NUP160: variants seen among roughly 807,000 people sequenced by gnomAD.
The protein encoded by NUP160 is nuclear pore complex protein Nup160.
NUP160 carries 94 observed loss-of-function variants against 196.9 expected under a neutral mutation model. That is an observed-to-expected ratio of 0.48 (90% confidence interval 0.40 to 0.57). The LOEUF (loss-of-function observed/expected upper bound fraction) is 0.57, where lower values mean the gene tolerates loss of function less well. NUP160 is among the 20% of genes least tolerant of loss of function. NUP160 has a pLI of 0.00. For synonymous variants in NUP160, 605 were observed against 619.7 expected, an observed-to-expected ratio of 0.98 and a Z score of 0.35; for missense variants, 1,638 against 1,748.3, an observed-to-expected ratio of 0.94 and a Z score of 1.13.
Position 47,807,054 on chromosome 11 carries a change from A to G in NUP160, c.2446+16T>C, listed in dbSNP as rs2135369267. On this transcript the variant is annotated intron_variant, in intron 19 of 35. Transcript: ENST00000378460. ...CCCCAGTTTAAAATGAAATGTGTAC[A>G]TAGTCCACTCCTTACCAAACCTATT... The G allele has an allele frequency of 1.3e-6, 2 of 1,555,638 alleles. No individual in the cohort carries two copies. Among genetic ancestry groups the G allele is most frequent in the Admixed American group, 1.7e-5 (1 of 59,272 alleles).
intron 17 of NUP160, among the ~76,000 whole-genome samples, chr11:47,809,349 C>T (rs2097679692): frequency 6.6e-6 from 1 of 151,570 alleles, no homozygotes; most frequent in African/African-American, 2.4e-5. Context: ...CAGGTATGAC[C>T]ATTATTATAA....
Position 47,797,970 on chromosome 11 carries a change from A to G in NUP160, c.3183+8T>C. The G allele has an allele frequency of 6.4e-7, 1 of 1,568,748 alleles. No homozygotes were observed. The highest frequency in any genetic ancestry group is 8.7e-7 in the Non-Finnish European group (1 of 1,144,994). Reference sequence around the variant, plus strand: ...TGTTGAAAGCCATCACTGGATAAGTAAAATTACCTCATTATGCAGATTCAC... The same window carrying G: ...TGTTGAAAGCCATCACTGGATAAGTGAAATTACCTCATTATGCAGATTCAC... On this transcript the variant is annotated splice_region_variant and intron_variant, in intron 26 of 35. Transcript: ENST00000378460.
At chr11:47,823,747 G>T (rs939908304) in intron 7 of NUP160, among the ~76,000 whole-genome samples, 1 of 151,838 alleles carries the variant, frequency 6.6e-6, no homozygotes, top group Non-Finnish European at 1.5e-5. Context: ...GTGTTATCCA[G>T]GATGGTCTTG....
chr11:47,800,880 TAA>T (rs1449788702), intron 23 of NUP160, among the ~76,000 whole-genome samples: 1 of 152,056 alleles, frequency 6.6e-6, no homozygotes, highest in Admixed American at 6.6e-5. Flanking sequence ...ACAGGATGAA[TAA>T]AAAAGCTTTT....
At chr11:47,789,958 T>C (rs1423201735) in intron 29 of NUP160, among the ~76,000 whole-genome samples, 1 of 151,520 alleles carries the variant, frequency 6.6e-6, no homozygotes, top group African/African-American at 2.4e-5. Context: ...TTTTTTTTTT[T>C]TTTTGAGACA....
chr11:47,811,579 A>G (rs2097681161), intron 17 of NUP160, among the ~76,000 whole-genome samples: 1 of 152,186 alleles, frequency 6.6e-6, no homozygotes, highest in Non-Finnish European at 1.5e-5. Context: ...ATAGTTACTA[A>G]TAATACTACA....
At chr11:47,847,377 A>G (rs1852419069) in intron 2 of NUP160, among the ~76,000 whole-genome samples, 1 of 152,096 alleles carries the variant, frequency 6.6e-6, no homozygotes, top group African/African-American at 2.4e-5. Flanking sequence ...GTTTTCCTCC[A>G]AAAAATTTCC....
At position 47,785,083 on chromosome 11, in the gene NUP160, A is replaced by G. The variant is rs2097663758; in HGVS notation, c.3849-20T>C. The G allele has an allele frequency of 7.8e-7, 1 of 1,275,142 alleles. No individual in the cohort carries two copies. Among genetic ancestry groups the G allele is most frequent in the Non-Finnish European group, 1.1e-6 (1 of 948,252 alleles). The allele number at this position is 1,275,142 out of a possible 1,614,324, so 79.0% of individuals were successfully genotyped here. Reference sequence around the variant, plus strand: ...GTAGCACTTGAAAAAAACAAAAATGACTAATGAGTTTCAGATTCTTAATAG... The same window carrying G: ...GTAGCACTTGAAAAAAACAAAAATGGCTAATGAGTTTCAGATTCTTAATAG... On this transcript the variant is annotated intron_variant, in intron 32 of 35. Transcript: ENST00000378460.
chr11:47,787,880 A>G (rs1022262450), intron 31 of NUP160, among the ~76,000 whole-genome samples: 2 of 151,770 alleles, frequency 1.3e-5, no homozygotes, highest in Non-Finnish European at 2.9e-5. Context: ...ACCACGCCCG[A>G]CTAATTTTTT....
chr11:47,820,431 T>C (rs540716728), intron 9 of NUP160: 1 of 152,358 alleles, frequency 6.6e-6, no homozygotes, highest in South Asian at 2.1e-4. Context: ...TTTATACTCA[T>C]AAAATACTAC....
intron 8 of NUP160, 36 bp from the exon 9 acceptor site, chr11:47,821,857 A>G: frequency 2.0e-6 from 3 of 1,515,054 alleles, no homozygotes; most frequent in Non-Finnish European, 2.8e-6. Flanking sequence ...GGATAAAATA[A>G]GAAAGAAAGT....
intron 35 of NUP160, among the ~76,000 whole-genome samples, chr11:47,780,080 C>T (rs1170794781): frequency 6.6e-6 from 1 of 152,138 alleles, no homozygotes; most frequent in Non-Finnish European, 1.5e-5. Context: ...TCTGCCCTAC[C>T]AAATTAAAAG....
chr11:47,835,519 G>A (rs568603676), intron 7 of NUP160, 132 bp downstream of exon 7: 10 of 603,530 alleles, frequency 1.7e-5, no homozygotes, highest in Admixed American at 3.9e-5. Flanking sequence ...ATAGTAGCAC[G>A]AAACCCAACC....
At chr11:47,840,755 A>C (rs1489969161) in intron 2 of NUP160, among the ~76,000 whole-genome samples, 167 bp from the exon 3 acceptor site, 1 of 152,252 alleles carries the variant, frequency 6.6e-6, no homozygotes, top group Admixed American at 6.5e-5. Flanking sequence ...CATTTATAAA[A>C]AACAGCATAA....
intron 2 of NUP160, among the ~76,000 whole-genome samples, chr11:47,842,422 A>G (rs1483123581): frequency 6.6e-6 from 1 of 152,112 alleles, no homozygotes; most frequent in Admixed American, 6.6e-5. Flanking sequence ...TTCCTGCCTT[A>G]CGGTTAAAGT....
At chr11:47,806,041 T>G (rs750740803) in intron 20 of NUP160, 112 bp downstream of exon 20, 3 of 945,284 alleles carry the variant, frequency 3.2e-6, no homozygotes, top group Non-Finnish European at 4.9e-6. Flanking sequence ...CTCGAACTTC[T>G]GGCCATAAGT....
At chr11:47,823,393 T>A (rs1001288483) in intron 7 of NUP160, among the ~76,000 whole-genome samples, 4 of 152,196 alleles carry the variant, frequency 2.6e-5, no homozygotes, top group Admixed American at 2.0e-4. Context: ...CACTTTACTT[T>A]GTCTCTATAA....
Position 47,786,538 on chromosome 11 carries a change from A to G in NUP160, c.3763T>C (p.Phe1255Leu), listed in dbSNP as rs146457879. 20 of 1,613,118 alleles carry G rather than the reference A, an allele frequency of 1.2e-5. No individual in the cohort carries two copies. The highest frequency in any genetic ancestry group is 1.7e-5 in the Non-Finnish European group (20 of 1,179,192). ...TCTGCTTGTGCTGCCTCTCCTCCAA[A>G]TTGCAATTTGATGCATCTGGAATGA... Residue 1255 changes from phenylalanine (F) to leucine (L), a missense_variant, in exon 32 of 36, where the codon TTT becomes CTT. This residue lies in a region of NUP160 where 1,345 missense variants were observed against 1,470.2 expected (regional missense o/e 0.91). Transcript: ENST00000378460.
chr11:47,839,886 A>G, exon 4 of NUP160: 4 of 1,614,210 alleles, frequency 2.5e-6, no homozygotes, highest in Non-Finnish European at 2.5e-6. Flanking sequence ...AGATTCCCCC[A>G]GAAGCACATG....
Sources: gnomAD v4.1 joint callset for allele counts (sites outside exome capture counted in the v4.1 genomes callset) on GRCh38, gnomAD v4.1.1 for gene constraint, gnomAD v4.1.1 regional missense constraint, MANE v1.5 for transcripts, NCBI Gene and HGNC (gene_info 2026-07-23, HGNC 2026-07-21) for gene names.